VBP1: variants seen among roughly 807,000 people sequenced by gnomAD.
The protein encoded by VBP1 is VHL binding protein 1.
Under a neutral mutation model 15.5 loss-of-function variants are expected in VBP1, and 4 were observed. The ratio of observed to expected loss-of-function variants is 0.26; its 90% CI spans 0.13 to 0.59. The LOEUF is 0.59. Among genes scored for constraint, VBP1 ranks in the 20% least tolerant of loss-of-function variants. VBP1 has a pLI of 0.90. For missense variants in VBP1, 108 were observed against 139.6 expected (o/e 0.77, Z 1.14); for synonymous variants, 61 against 52.1 (o/e 1.17, Z -0.74).
intron 1 of VBP1, among the ~76,000 whole-genome samples, chrX:155,217,061 A>G (rs901278186): frequency 8.9e-6 from 1 of 112,475 alleles, no homozygotes; most frequent in Non-Finnish European, 1.9e-5. Context: ...CGGGAAATGG[A>G]AGAAGAGACC....
chrX:155,229,632 C>G (rs1446845336), intron 4 of VBP1, among the ~76,000 whole-genome samples: 1 of 111,774 alleles, frequency 8.9e-6, no homozygotes, highest in African/African-American at 3.3e-5. Flanking sequence ...TGCTTTTACT[C>G]TGTCTTTTGT....
intron 2 of VBP1, among the ~76,000 whole-genome samples, chrX:155,222,840 TA>T (rs1315997936): frequency 9.0e-6 from 1 of 111,333 alleles, no homozygotes; most frequent in Non-Finnish European, 1.9e-5. Context: ...CCTATTTTAA[TA>T]GTGGGTTGGT....
intron 1 of VBP1, among the ~76,000 whole-genome samples, chrX:155,203,907 G>A (rs997297960): frequency 1.8e-5 from 2 of 111,568 alleles, no homozygotes; most frequent in Non-Finnish European, 3.8e-5. Context: ...TGAGTAATAC[G>A]GTGGAAAGAC....
intron 4 of VBP1, among the ~76,000 whole-genome samples, chrX:155,230,421 G>A (rs1557310710): frequency 1.8e-5 from 2 of 111,149 alleles, no homozygotes; most frequent in Admixed American, 9.5e-5. Flanking sequence ...TAGTATAAGG[G>A]GTTAAAACTT....
chrX:155,214,475 A>T (rs2074654949), upstream of VBP1, among the ~76,000 whole-genome samples: 1 of 112,438 alleles, frequency 8.9e-6, no homozygotes, highest in South Asian at 3.6e-4. Flanking sequence ...TCTAAAGAGA[A>T]TTAGTTGAAC....
intron 3 of VBP1, 144 bp from the exon 4 acceptor site, chrX:155,228,240 C>T: frequency 2.1e-6 from 1 of 482,460 alleles, no homozygotes; most frequent in African/African-American, 2.4e-5. Flanking sequence ...CTGGGTCTAG[C>T]ATTCATTTCT....
rs2074757821 is a variant in VBP1, at chrX:155,233,808, T to A, written c.385-2421T>A. Among the ~76,000 whole-genome samples, 3 of 111,677 alleles carry A rather than the reference T, an allele frequency of 2.7e-5. No individual in the cohort carries two copies. In the South Asian group the frequency reaches 1.1e-3, roughly 42 times the overall value. Reference sequence around the variant, plus strand: ...AACCTGTCCTTGATCTGGATGCTGGTTCCATGAGTGTGTTAAGTTTGTGAA... The same window carrying A: ...AACCTGTCCTTGATCTGGATGCTGGATCCATGAGTGTGTTAAGTTTGTGAA... On this transcript the variant is annotated intron_variant, in intron 4 of 5. Coordinates refer to ENST00000286428, the MANE Select transcript of VBP1 (RefSeq NM_003372.7).
intron 4 of VBP1, among the ~76,000 whole-genome samples, chrX:155,230,449 G>C (rs1557310718): frequency 2.7e-5 from 3 of 110,863 alleles, no homozygotes; most frequent in African/African-American, 9.9e-5. Context: ...TCTTTTTTGG[G>C]GACACTGTTT....
chrX:155,217,665 GATCTATTATCTAACCATA>G (rs1445125639), intron 1 of VBP1, among the ~76,000 whole-genome samples: 2 of 112,291 alleles, frequency 1.8e-5, no homozygotes, highest in African/African-American at 6.5e-5. Context: ...TCTCTACATT[GATCTATTATCTAACCATA>G]ACAAGGAATA....
intron 4 of VBP1, among the ~76,000 whole-genome samples, chrX:155,230,686 C>CTT (rs1163342396): frequency 9.6e-6 from 1 of 104,066 alleles, no homozygotes. Context: ...TTACTTCTCT[C>CTT]TTTTTTTTTT....
intron 2 of VBP1, among the ~76,000 whole-genome samples, chrX:155,209,899 G>C (rs1412653671): frequency 9.0e-6 from 1 of 111,669 alleles, no homozygotes; most frequent in Non-Finnish European, 1.9e-5. Context: ...TTCAGACGCA[G>C]TCCAAGTAGA....
chrX:155,237,761 T>C (rs1371144755), intron 5 of VBP1, among the ~76,000 whole-genome samples: 1 of 112,579 alleles, frequency 8.9e-6, no homozygotes, highest in Non-Finnish European at 1.9e-5. Flanking sequence ...GCATCAGAGC[T>C]TTCCTGAACA....
intron 1 of VBP1, among the ~76,000 whole-genome samples, chrX:155,216,854 C>T (rs2074667356): frequency 8.9e-6 from 1 of 112,345 alleles, no homozygotes; most frequent in African/African-American, 3.2e-5. Context: ...GCAGGGCGGC[C>T]TGAGGGACCT....
chrX:155,221,477 G>C (rs782807630), intron 2 of VBP1, among the ~76,000 whole-genome samples: 3 of 111,553 alleles, frequency 2.7e-5, no homozygotes, highest in Non-Finnish European at 3.8e-5. Flanking sequence ...CTCCAGCCTC[G>C]GCAAAAGTGC....
At chrX:155,231,361 G>C (rs1278627460) in intron 4 of VBP1, among the ~76,000 whole-genome samples, 1 of 112,006 alleles carries the variant, frequency 8.9e-6, no homozygotes, top group Non-Finnish European at 1.9e-5. Context: ...TCTCAGTTCT[G>C]ATTGTTAGCT....
At chrX:155,203,066 T>G (rs2074611910) in intron 1 of VBP1, among the ~76,000 whole-genome samples, 1 of 111,911 alleles carries the variant, frequency 8.9e-6, no homozygotes, top group South Asian at 3.7e-4. Flanking sequence ...TGAGATACCG[T>G]CTCACACCAG....
At chrX:155,229,676 C>G (rs782049985) in intron 4 of VBP1, among the ~76,000 whole-genome samples, 8 of 111,517 alleles carry the variant, frequency 7.2e-5, no homozygotes, top group Non-Finnish European at 1.1e-4. Flanking sequence ...TCTTCATTTT[C>G]TTTGCTGAGC....
upstream of VBP1, among the ~76,000 whole-genome samples, chrX:155,212,739 G>C (rs141799924): frequency 0.051 from 5,715 of 111,611 alleles, 174 homozygotes; most frequent in Non-Finnish European, 0.081. Flanking sequence ...AATAAAGCAG[G>C]GTAATGTCTG....
intron 4 of VBP1, among the ~76,000 whole-genome samples, chrX:155,235,601 A>G (rs1466039360): frequency 1.8e-5 from 2 of 111,980 alleles, no homozygotes; most frequent in African/African-American, 6.5e-5. Context: ...ACCTTGTCTT[A>G]ATCCCTAACA....
Sources: allele counts gnomAD v4.1 joint callset (sites outside exome capture counted in the v4.1 genomes callset), GRCh38; gene constraint gnomAD v4.1.1; transcripts MANE v1.5; gene names NCBI Gene and HGNC (gene_info 2026-07-23, HGNC 2026-07-21).